Variants in BORA observed in about 807,000 individuals in gnomAD.
BORA encodes the protein protein aurora borealis.
BORA carries 26 observed loss-of-function variants against 55.8 expected under a neutral mutation model. That is an observed-to-expected ratio of 0.47 (90% CI 0.34 to 0.65). The LOEUF (loss-of-function observed/expected upper bound fraction) is 0.65. Ranked by LOEUF, BORA falls within the 30% of genes least tolerant of loss-of-function variation. The pLI, the probability that BORA is intolerant of heterozygous loss-of-function variation, is 0.01. For synonymous variants in BORA, 201 were observed against 216.9 expected (o/e 0.93, Z 0.64); for missense variants, 568 against 671.5 (o/e 0.85, Z 1.70).
chr13:72,737,601 G>A (rs1435202495), intron 4 of BORA, among the ~76,000 whole-genome samples: 3 of 152,092 alleles, frequency 2.0e-5, no homozygotes, highest in Non-Finnish European at 2.9e-5. Context: ...CTTCAGTGCC[G>A]TCATTCATAC....
intron 5 of BORA, 51 bp downstream of exon 5, chr13:72,738,094 TA>T: frequency 7.6e-7 from 1 of 1,320,898 alleles, no homozygotes; most frequent in Non-Finnish European, 1.1e-6. Flanking sequence ...TCGGTGAATA[TA>T]AAGCAACATA....
rs1175248664 is a variant in BORA at position 72,753,789 on chromosome 13, G to A, written c.1582G>A (p.Val528Ile). The A allele has an allele frequency of 1.9e-6, 3 of 1,613,264 alleles. No homozygotes were observed. The highest frequency in any genetic ancestry group is 2.5e-6 in the Non-Finnish European group (3 of 1,179,500). Residue 528 changes from valine to isoleucine, a missense_variant, in exon 11 of 12, where the codon GTT becomes ATT. Coordinates refer to ENST00000390667, the MANE Select transcript of BORA (RefSeq NM_024808.5). ...AGAAAGTGATGCACAAACATGTGAA[G>A]TTGAGAGTAAATCTCAAGCATTTAA... Reference protein sequence around the residue: ...CKESDAQTCEVESKSQAFNMK... With the variant: ...CKESDAQTCEIESKSQAFNMK...
Position 72,755,193 on chromosome 13 carries a change from C to T in BORA, c.1657C>T (p.Pro553Ser). The T allele has an allele frequency of 6.2e-7, 1 of 1,613,600 alleles. No individual in the cohort carries two copies. Among genetic ancestry groups the T allele is most frequent in the Non-Finnish European group, 8.5e-7 (1 of 1,179,748 alleles). ...TQRCWMKTAS[P>S]FQCSSP Reference sequence around the variant, plus strand: ...GAGGTGTTGGATGAAAACAGCAAGCCCTTTTCAATGCAGCAGTCCATAGAA... The same window carrying T: ...GAGGTGTTGGATGAAAACAGCAAGCTCTTTTCAATGCAGCAGTCCATAGAA... The change falls in exon 12 of 12, where the codon CCT (proline) becomes TCT (serine). Residue 553 changes from proline (P) to serine (S), a missense_variant. Pro to Ser is a moderately conservative substitution (Grantham distance 74, BLOSUM62 -1). Transcript: ENST00000390667.
intron 5 of BORA, among the ~76,000 whole-genome samples, chr13:72,738,336 G>A (rs2032974465): frequency 6.6e-6 from 1 of 152,092 alleles, no homozygotes; most frequent in Non-Finnish European, 1.5e-5. Context: ...ATTGAATATA[G>A]AGATGAGTTG....
chr13:72,747,992 T>C (rs2033187613), intron 10 of BORA, among the ~76,000 whole-genome samples: 1 of 152,218 alleles, frequency 6.6e-6, no homozygotes, highest in East Asian at 1.9e-4. Flanking sequence ...ATTAGCACTT[T>C]GGAAAGGCAT....
rs972596605 is a variant in BORA, at chr13:72,743,242, T to C, written c.389-295T>C. ...TTGCTCTTGTCATAGTGTATACATATATTGAAACATCACATTGTACCCCAT... is the reference window on the plus strand; with the variant it reads ...TTGCTCTTGTCATAGTGTATACATACATTGAAACATCACATTGTACCCCAT... On this transcript the variant is annotated intron_variant, in intron 5 of 11. Transcript: ENST00000390667. 1.2e-4 allele frequency among the ~76,000 whole-genome samples: 19 copies of C among 152,326 alleles called. No homozygotes were observed. In the East Asian group the frequency reaches 3.3e-3, roughly 26 times the overall value.
At chr13:72,745,860 T>A in intron 8 of BORA, 84 bp from the exon 9 acceptor site, 1 of 1,252,078 alleles carries the variant, frequency 8.0e-7, no homozygotes. Context: ...TAAGTGTGTT[T>A]TGAAGACCAT....
In BORA at chr13:72,746,839, A is replaced by C; in HGVS notation, c.1210A>C (p.Met404Leu). Residue 404 changes from methionine (M) to leucine (L), a missense_variant, in exon 10 of 12, where the codon ATG becomes CTG. Met to Leu is a conservative substitution (Grantham distance 15, BLOSUM62 2). Transcript: ENST00000390667. ...TGGTACACATTTGGTTGTGACTGCC[A>C]TGTCTGTTACACAAAATCAGTCCAG... is the stretch of plus-strand genomic sequence containing the variant. ...THGTHLVVTAMSVTQNQSSAS... is the reference protein window; with the variant it reads ...THGTHLVVTALSVTQNQSSAS... 1 of 1,614,188 alleles carries C rather than the reference A, an allele frequency of 6.2e-7. No homozygotes were observed.
At chr13:72,729,788 C>A (rs1393949078) in intron 2 of BORA, among the ~76,000 whole-genome samples, 2 of 152,162 alleles carry the variant, frequency 1.3e-5, no homozygotes, top group African/African-American at 2.4e-5. Flanking sequence ...CAAAATAATT[C>A]TTAGCTTGCA....
chr13:72,749,924 A>G (rs189715912), intron 10 of BORA, among the ~76,000 whole-genome samples: 9 of 152,270 alleles, frequency 5.9e-5, no homozygotes, highest in East Asian at 1.9e-4. Context: ...ATTCTTTCCA[A>G]TCAGACCACT....
intron 10 of BORA, among the ~76,000 whole-genome samples, chr13:72,747,814 T>C (rs532316327): frequency 6.6e-5 from 10 of 152,266 alleles, no homozygotes; most frequent in East Asian, 1.9e-4. Context: ...ATTATAGGCA[T>C]GAGCCACCGC....
intron 5 of BORA, 144 bp from the exon 6 acceptor site, chr13:72,743,393 C>G: frequency 2.1e-6 from 1 of 470,162 alleles, no homozygotes; most frequent in South Asian, 5.9e-5. Context: ...TAGAAACATA[C>G]CAAAATATAT....
intron 8 of BORA, 88 bp downstream of exon 8, chr13:72,745,295 G>C (rs1045713964): frequency 1.8e-6 from 2 of 1,120,046 alleles, no homozygotes; most frequent in Non-Finnish European, 2.6e-6. Context: ...GCTTTCAGCA[G>C]CCTGAAGCCA....
chr13:72,754,051 T>C (rs1309797351), intron 11 of BORA: 1 of 400,596 alleles, frequency 2.5e-6, no homozygotes, highest in African/African-American at 2.1e-5. Context: ...ATGAGGGCAT[T>C]TACTGAACCT....
At chr13:72,750,713 A>G (rs879521675) in intron 10 of BORA, among the ~76,000 whole-genome samples, 6 of 152,132 alleles carry the variant, frequency 3.9e-5, no homozygotes, top group African/African-American at 9.7e-5. Flanking sequence ...TGTCCTTTTC[A>G]AGTACCAGAG....
At chr13:72,755,036 C>A in intron 11 of BORA, 115 bp from the exon 12 acceptor site, 2 of 764,578 alleles carry the variant, frequency 2.6e-6, no homozygotes, top group Non-Finnish European at 2.2e-6. Context: ...CTTTACTGTC[C>A]CTTCAGAGTT....
rs2033154665 is a variant in BORA at position 72,746,715 on chromosome 13, G to A, written c.1086G>A (p.Glu362=). ...CTCTTGAGACTCAAGGTGAAGATGA[G>A]GAAGATAAAGAGAATATTCCTTCCA... is the stretch of plus-strand genomic sequence containing the variant. ...PFTLETQGED[E]EDKENIPSTD... is the part of the protein sequence containing the mutation. Residue 362 remains glutamate, a synonymous_variant, in exon 10 of 12, where the codon GAG becomes GAA. Transcript: ENST00000390667. 2 of 1,614,010 alleles carry A rather than the reference G, an allele frequency of 1.2e-6. No individual in the cohort carries two copies. The highest frequency in any genetic ancestry group is 3.3e-5 in the Admixed American group (2 of 59,996).
In BORA at chr13:72,744,616, G is replaced by A. The variant is rs551680407; in HGVS notation, c.511+55G>A. 3.1e-5 allele frequency: 43 copies of A among 1,391,950 alleles called. No individual in the cohort carries two copies. In the Admixed American group the frequency reaches 3.2e-4, roughly 10 times the overall value. The allele number at this position is 1,391,950 out of a possible 1,614,324, so 86.2% of individuals were successfully genotyped here. ...TAACTTGAACCAAAGGTTTTGTTTG[G>A]CTGGCTTTTTGTAAATGGTAACATG... is the stretch of plus-strand genomic sequence containing the variant. On this transcript the variant is annotated intron_variant, in intron 7 of 11. Transcript: ENST00000390667.
Position 72,755,277 on chromosome 13 carries a change from A to G in BORA, c.*61A>G, listed in dbSNP as rs2033427263. 3.6e-6 allele frequency: 5 copies of G among 1,392,144 alleles called. No homozygotes were observed. In the Admixed American group the frequency reaches 5.1e-5, roughly 14 times the overall value. 86.2% of individuals were successfully genotyped at this position (1,392,144 alleles called of 1,614,324 possible). On this transcript the variant is annotated 3_prime_UTR_variant, in exon 12 of 12. Transcript: ENST00000390667. ...GTTCCTCGCATATATCGTTGTGCAC[A>G]GGATCAACATGATGGTGACTGGGAA...
Sources: allele counts gnomAD v4.1 joint callset (sites outside exome capture counted in the v4.1 genomes callset), GRCh38; gene constraint gnomAD v4.1.1; transcripts MANE v1.5; gene names NCBI Gene and HGNC (gene_info 2026-07-23, HGNC 2026-07-21).